ROBO2: variants seen among roughly 807,000 people sequenced by gnomAD.
ROBO2 encodes the protein roundabout homolog 2.
ROBO2 carries 53 observed loss-of-function variants against 160.8 expected under a neutral mutation model. The ratio of observed to expected loss-of-function variants is 0.33; its 90% CI spans 0.26 to 0.41. The LOEUF (loss-of-function observed/expected upper bound fraction) is 0.41. Among genes scored for constraint, ROBO2 ranks in the 10% least tolerant of loss-of-function variants. The pLI is 1.00. For synonymous variants in ROBO2, 664 were observed against 611.7 expected (o/e 1.09, Z -1.26); for missense variants, 1,577 against 1,722.4 (o/e 0.92, Z 1.49).
intron 2 of ROBO2, among the ~76,000 whole-genome samples, chr3:76,259,251 A>T (rs1706590027): frequency 6.6e-6 from 1 of 152,056 alleles, no homozygotes; most frequent in African/African-American, 2.4e-5. Context: ...TGGGATCAGA[A>T]ATTACAGTAA....
At chr3:77,054,203 G>C (rs938846531) in intron 1 of ROBO2, among the ~76,000 whole-genome samples, 1 of 152,096 alleles carries the variant, frequency 6.6e-6, no homozygotes, top group Admixed American at 6.6e-5. Context: ...TCAAAACCAA[G>C]ACCAAATTCA....
chr3:76,056,326 A>G (rs570605258), intron 2 of ROBO2, among the ~76,000 whole-genome samples: 184 of 152,296 alleles, frequency 1.2e-3, no homozygotes, highest in African/African-American at 2.9e-3. Flanking sequence ...GACTGAAACA[A>G]AATATTCTTA....
At chr3:76,994,512 A>C (rs1325258242) in intron 2 of ROBO2, among the ~76,000 whole-genome samples, 3 of 152,210 alleles carry the variant, frequency 2.0e-5, no homozygotes, top group East Asian at 1.9e-4. Flanking sequence ...AATAATAATA[A>C]AACATTTGTC....
chr3:76,845,220 G>C (rs1470251439), intron 2 of ROBO2, among the ~76,000 whole-genome samples: 1 of 151,708 alleles, frequency 6.6e-6, no homozygotes, highest in Non-Finnish European at 1.5e-5. Context: ...GTCAATTTTT[G>C]GTTAAGAAAC....
rs191716581 is a variant in ROBO2 at position 76,677,471 on chromosome 3, T to C, written c.110-420543T>C. Among the ~76,000 whole-genome samples, 180 of 152,244 alleles carry C rather than the reference T, an allele frequency of 1.2e-3. 1 individual carries two copies. The highest frequency in any genetic ancestry group is 2.0e-3 in the Non-Finnish European group (139 of 68,016). ...AAACGTCCCACATGATTCTAAAGTATTGTCAAGGCCCAGAACCATTGGTCT... is the reference window on the plus strand; with the variant it reads ...AAACGTCCCACATGATTCTAAAGTACTGTCAAGGCCCAGAACCATTGGTCT... On this transcript the variant is annotated intron_variant, in intron 2 of 26. Transcript: ENST00000487694.
At chr3:76,834,528 G>T (rs967147974) in intron 2 of ROBO2, among the ~76,000 whole-genome samples, 1 of 151,714 alleles carries the variant, frequency 6.6e-6, no homozygotes, top group Non-Finnish European at 1.5e-5. Context: ...ACACACCACC[G>T]TGCCTGGCTA....
chr3:76,296,278 C>G (rs1430959043), intron 2 of ROBO2, among the ~76,000 whole-genome samples: 1 of 152,200 alleles, frequency 6.6e-6, no homozygotes, highest in Non-Finnish European at 1.5e-5. Flanking sequence ...CCTGCCCCTG[C>G]AGGCACCTGG....
chr3:76,639,464 T>TCTCACA (rs371365742), intron 2 of ROBO2, among the ~76,000 whole-genome samples: 2 of 149,116 alleles, frequency 1.3e-5, no homozygotes, highest in African/African-American at 4.9e-5. Context: ...CTACACTCTC[T>TCTCACA]CACACACACA....
At chr3:77,082,192 T>C (rs1354807304) in intron 1 of ROBO2, among the ~76,000 whole-genome samples, 1 of 152,198 alleles carries the variant, frequency 6.6e-6, no homozygotes, top group Non-Finnish European at 1.5e-5. Context: ...TCACTTCTTG[T>C]AGTAAAGAAA....
At chr3:77,365,622 C>T (rs1451908796) in intron 2 of ROBO2, among the ~76,000 whole-genome samples, 2 of 152,150 alleles carry the variant, frequency 1.3e-5, no homozygotes, top group South Asian at 2.1e-4. Flanking sequence ...CTTTGTGTAC[C>T]ACCAGTTAAG....
At chr3:76,150,582 A>G (rs2072158818) in intron 2 of ROBO2, among the ~76,000 whole-genome samples, 1 of 152,164 alleles carries the variant, frequency 6.6e-6, no homozygotes, top group Admixed American at 6.6e-5. Flanking sequence ...GGGCCTTTAT[A>G]GTTGCTGACT....
intron 2 of ROBO2, among the ~76,000 whole-genome samples, chr3:76,360,182 T>C (rs2075422346): frequency 6.6e-6 from 1 of 152,086 alleles, no homozygotes; most frequent in Admixed American, 6.6e-5. Flanking sequence ...TTGACCCATC[T>C]GTGTGACTAT....
intron 2 of ROBO2, among the ~76,000 whole-genome samples, chr3:77,349,820 A>G (rs2068101531): frequency 6.6e-6 from 1 of 152,026 alleles, no homozygotes; most frequent in African/African-American, 2.4e-5. Flanking sequence ...ACCCCACTTT[A>G]TATTGCAATC....
At chr3:77,284,204 T>C (rs914542565) in intron 2 of ROBO2, among the ~76,000 whole-genome samples, 7 of 152,152 alleles carry the variant, frequency 4.6e-5, no homozygotes, top group African/African-American at 1.7e-4. Flanking sequence ...GTAGTCACAA[T>C]AGACAGTATG....
intron 1 of ROBO2, among the ~76,000 whole-genome samples, chr3:77,057,310 A>G (rs1195677330): frequency 3.9e-5 from 6 of 152,110 alleles, no homozygotes; most frequent in Non-Finnish European, 2.9e-5. Context: ...GGGGCCTGTC[A>G]TGGGGTGAGG....
intron 2 of ROBO2, among the ~76,000 whole-genome samples, chr3:77,130,262 C>T (rs1426092751): frequency 2.0e-5 from 3 of 152,192 alleles, no homozygotes; most frequent in African/African-American, 7.2e-5. Context: ...TGCCTCACCA[C>T]TGCACTGTAC....
intron 2 of ROBO2, 108 bp from the exon 3 acceptor site, chr3:77,477,306 G>A (rs2084128645): frequency 8.9e-7 from 1 of 1,120,686 alleles, no homozygotes. Flanking sequence ...TAAAAATCCA[G>A]GCAATTTTTA....
At chr3:77,183,834 A>G (rs1324820375) in intron 2 of ROBO2, among the ~76,000 whole-genome samples, 2 of 152,048 alleles carry the variant, frequency 1.3e-5, no homozygotes, top group East Asian at 1.9e-4. Flanking sequence ...ATTGCTGTTG[A>G]ATTGATTAAC....
chr3:76,723,366 G>A (rs1406710678), intron 2 of ROBO2, among the ~76,000 whole-genome samples: 1 of 152,066 alleles, frequency 6.6e-6, no homozygotes, highest in African/African-American at 2.4e-5. Flanking sequence ...TAAAATATGA[G>A]TAGTGCACCA....
Sources: gnomAD v4.1 joint callset for allele counts (sites outside exome capture counted in the v4.1 genomes callset) on GRCh38, gnomAD v4.1.1 for gene constraint, MANE v1.5 for transcripts, NCBI Gene and HGNC (gene_info 2026-07-23, HGNC 2026-07-21) for gene names.